Variants in DIO2 observed in about 807,000 individuals in gnomAD.
DIO2 encodes type II iodothyronine deiodinase.
In DIO2, 19 loss-of-function variants were observed where a neutral mutation model predicts 21.4. That is an observed-to-expected ratio of 0.89 (90% CI 0.62 to 1.30). The LOEUF is 1.30. Among genes scored for constraint, DIO2 ranks in the 50% most tolerant of loss-of-function variants. The probability of loss-of-function intolerance (pLI) is 0.00; values close to 1 mark genes in which losing one functional copy is unlikely to be tolerated. For missense variants in DIO2, 302 were observed against 338.1 expected (o/e 0.89, Z 0.84); for synonymous variants, 122 against 132.9 (o/e 0.92, Z 0.57).
intron 2 of DIO2, among the ~76,000 whole-genome samples, chr14:80,218,610 C>T (rs569256286): frequency 6.6e-6 from 1 of 152,240 alleles, no homozygotes; most frequent in Non-Finnish European, 1.5e-5. Flanking sequence ...AGTAGAAAAA[C>T]TTTTAAAAAC....
rs529851449 is a variant in DIO2, at chr14:80,208,143, T to G, written c.222+3108A>C. ...CAATTTGCTTATTGGTTGCATGTTT[T>G]TAGTCTCTGAGCGCCAGCACAAGGA... is the stretch of plus-strand genomic sequence containing the variant. On this transcript the variant is annotated intron_variant, in intron 1 of 1. Coordinates refer to ENST00000438257, the MANE Select transcript of DIO2 (RefSeq NM_013989.5). Among the ~76,000 whole-genome samples, 35 of 152,342 alleles carry G rather than the reference T, an allele frequency of 2.3e-4. 1 individual carries two copies. The East Asian group carries it at 6.6e-3, about 29-fold the overall frequency.
At chr14:80,219,585 C>A (rs1013036311) in intron 2 of DIO2, 2 of 149,398 alleles carry the variant, frequency 1.3e-5, no homozygotes, top group Non-Finnish European at 3.0e-5. Flanking sequence ...TTAGTCATTG[C>A]GCTGGGCATT....
At chr14:80,226,006 G>A (rs1888568466) in intron 2 of DIO2, among the ~76,000 whole-genome samples, 1 of 152,134 alleles carries the variant, frequency 6.6e-6, no homozygotes, top group Non-Finnish European at 1.5e-5. Context: ...TCAGCAGAAT[G>A]TAATGTCACG....
At chr14:80,209,931 C>T (rs764566270) in intron 1 of DIO2, among the ~76,000 whole-genome samples, 3 of 152,092 alleles carry the variant, frequency 2.0e-5, no homozygotes, top group African/African-American at 4.8e-5. Context: ...CTTTTCTTGG[C>T]GCATGGTTTT....
At position 80,200,691 on chromosome 14, in the gene DIO2, G is replaced by T. The variant is rs905231257; in HGVS notation, c.*1998C>A. 12 of 152,078 alleles carry T rather than the reference G, an allele frequency of 7.9e-5. No individual in the cohort carries two copies. The highest frequency in any genetic ancestry group is 1.6e-4 in the Non-Finnish European group (11 of 67,992). 9.4% of individuals were successfully genotyped at this position (152,078 alleles called of 1,614,324 possible). A position where few individuals can be genotyped will look rare whatever the true frequency, so the allele number is the denominator to read the frequency against. ...CTCATTAGATAATGAAATTTGCTTTGTTTCTTTGTGGGTGGTTTTTATAGA... is the reference window on the plus strand; with the variant it reads ...CTCATTAGATAATGAAATTTGCTTTTTTTCTTTGTGGGTGGTTTTTATAGA... On this transcript the variant is annotated 3_prime_UTR_variant, in exon 2 of 2. Coordinates refer to ENST00000438257, the MANE Select transcript of DIO2 (RefSeq NM_013989.5).
rs1232765444 is a variant in DIO2 at position 80,200,242 on chromosome 14, C to G, written c.*2447G>C. 6.6e-6 allele frequency: 1 copy of G among 152,628 alleles called. No homozygotes were observed. The highest frequency in any genetic ancestry group is 1.5e-5 in the Non-Finnish European group (1 of 68,044). The allele number at this position is 152,628 out of a possible 1,614,324, so 9.5% of individuals were successfully genotyped here. On this transcript the variant is annotated 3_prime_UTR_variant, in exon 2 of 2. Transcript: ENST00000438257. The stretch of plus-strand genomic sequence containing the variant: ...TCTTGCATGTTCTATTGAACATCTT[C>G]CTCCCTGATAGCCCATGTCTTTCTA...
At chr14:80,211,230 G>A (rs1196701490) in intron 1 of DIO2, 21 bp downstream of exon 1, 4 of 1,599,114 alleles carry the variant, frequency 2.5e-6, no homozygotes, top group African/African-American at 1.3e-5. Flanking sequence ...CTAGGGAGAA[G>A]CCCTTCTCAG....
In DIO2 at chr14:80,198,345, C is replaced by T. The variant is rs1322108860; in HGVS notation, c.*4344G>A. On this transcript the variant is annotated 3_prime_UTR_variant, in exon 2 of 2. Coordinates refer to ENST00000438257, the MANE Select transcript of DIO2 (RefSeq NM_013989.5). ...TTGCTTTCTATTGGTTCAGACTCAC[C>T]TTGGAACAGAGCTGGGTCTGTTAAG... The T allele has an allele frequency of 6.6e-6, 1 of 152,624 alleles. No individual in the cohort carries two copies. The highest frequency in any genetic ancestry group is 1.5e-5 in the Non-Finnish European group (1 of 68,078). The allele number at this position is 152,624 out of a possible 1,614,324, so 9.5% of individuals were successfully genotyped here.
chr14:80,225,197 C>T (rs1359422133), intron 2 of DIO2, among the ~76,000 whole-genome samples: 2 of 152,184 alleles, frequency 1.3e-5, no homozygotes, highest in African/African-American at 4.8e-5. Flanking sequence ...AGGAACAATA[C>T]TTTGCATCCT....
intron 1 of DIO2, chr14:80,206,156 G>T (rs1887946884): frequency 1.1e-6 from 1 of 929,238 alleles, no homozygotes; most frequent in Non-Finnish European, 1.6e-6. Flanking sequence ...ATTCATGAAG[G>T]TGCCTAGGCA....
intron 1 of DIO2, chr14:80,206,351 A>C (rs781553936): frequency 2.7e-6 from 4 of 1,474,054 alleles, no homozygotes. Flanking sequence ...AAAATAAAGA[A>C]AAAAAACTTT....
chr14:80,229,313 A>C (rs949723828), intron 2 of DIO2, among the ~76,000 whole-genome samples: 2 of 152,204 alleles, frequency 1.3e-5, no homozygotes, highest in Non-Finnish European at 2.9e-5. Context: ...TACAATAGCT[A>C]CATCCACTTT....
chr14:80,211,491 C>A lies in DIO2; in HGVS notation c.-19G>T. Reference sequence around the variant, plus strand: ...TGCCCATCTTCTCTGCCTCCTGAGTCAGTTCCCTTGTGCGCTCTGGTTCCC... The same window carrying A: ...TGCCCATCTTCTCTGCCTCCTGAGTAAGTTCCCTTGTGCGCTCTGGTTCCC... On this transcript the variant is annotated 5_prime_UTR_variant, in exon 1 of 2. Coordinates refer to ENST00000438257, the MANE Select transcript of DIO2 (RefSeq NM_013989.5). The A allele has an allele frequency of 1.3e-6, 2 of 1,518,580 alleles. No individual in the cohort carries two copies. Among genetic ancestry groups the A allele is most frequent in the South Asian group, 2.3e-5 (2 of 86,790 alleles). 94.1% of individuals were successfully genotyped at this position (1,518,580 alleles called of 1,614,324 possible).
At chr14:80,210,327 C>T (rs886207222) in intron 1 of DIO2, among the ~76,000 whole-genome samples, 2 of 152,152 alleles carry the variant, frequency 1.3e-5, no homozygotes, top group African/African-American at 4.8e-5. Context: ...GCTCTACTAA[C>T]ATCTCTCACC....
At chr14:80,216,320 C>T (rs1888356706), upstream of DIO2, among the ~76,000 whole-genome samples, 4 of 152,294 alleles carry the variant, frequency 2.6e-5, no homozygotes, top group Admixed American at 2.0e-4. Context: ...CTAATTGTGG[C>T]GATGCTCTTT....
At chr14:80,230,075 C>T (rs1196290822) in intron 2 of DIO2, among the ~76,000 whole-genome samples, 2 of 152,110 alleles carry the variant, frequency 1.3e-5, no homozygotes, top group Non-Finnish European at 2.9e-5. Flanking sequence ...CCTCAGGCAG[C>T]ATAGGGTTTA....
intron 2 of DIO2, among the ~76,000 whole-genome samples, chr14:80,230,166 G>C (rs1888658223): frequency 6.6e-6 from 1 of 152,122 alleles, no homozygotes; most frequent in Non-Finnish European, 1.5e-5. Flanking sequence ...TGGGGAAGCT[G>C]TTCCTTCTGG....
intron 2 of DIO2, among the ~76,000 whole-genome samples, chr14:80,230,132 C>T (rs563322144): frequency 9.9e-5 from 15 of 152,160 alleles, no homozygotes; most frequent in Admixed American, 2.0e-4. Context: ...TGGGTCGAGG[C>T]GGGGATGTGG....
At chr14:80,223,085 A>C (rs1243207715) in intron 2 of DIO2, among the ~76,000 whole-genome samples, 1 of 152,034 alleles carries the variant, frequency 6.6e-6, no homozygotes, top group Non-Finnish European at 1.5e-5. Context: ...TGGGCTCAAG[A>C]GATCTTCCCA....
Sources: allele counts gnomAD v4.1 joint callset (sites outside exome capture counted in the v4.1 genomes callset), GRCh38; gene constraint gnomAD v4.1.1; transcripts MANE v1.5; gene names NCBI Gene and HGNC (gene_info 2026-07-23, HGNC 2026-07-21).